The following NF1 variants were observed in gnomAD, a reference collection of about 807,000 sequenced individuals.
NF1 encodes neurofibromin.
In NF1, 122 loss-of-function variants were observed where a neutral mutation model predicts 325.7. The ratio of observed to expected loss-of-function variants is 0.37; its 90% CI spans 0.32 to 0.44. The LOEUF (loss-of-function observed/expected upper bound fraction) is 0.44, where lower values mean the gene tolerates loss of function less well. Among genes scored for constraint, NF1 ranks in the 20% least tolerant of loss-of-function variants. NF1 has a pLI of 1.00. For missense variants in NF1, 2,140 were observed against 3,415.4 expected, an observed-to-expected ratio of 0.63 and a Z score of 9.31; for synonymous variants, 1,091 against 1,186.0, an observed-to-expected ratio of 0.92 and a Z score of 1.65.
At chr17:31,359,066 C>G (rs2151586213) in intron 56 of NF1, 51 bp downstream of exon 56, 1 of 1,435,008 alleles carries the variant, frequency 7.0e-7, no homozygotes, top group Non-Finnish European at 9.8e-7. Context: ...GGTTTCTGTT[C>G]AAATTAGTAT....
chr17:31,226,001 A>C (rs973117525), intron 17 of NF1, among the ~76,000 whole-genome samples: 1 of 152,098 alleles, frequency 6.6e-6, no homozygotes, highest in Non-Finnish European at 1.5e-5. Context: ...CAGTGTACTT[A>C]TTTTATTACT....
At chr17:31,193,669 AAAAACAAAAC>A (rs71360765) in intron 8 of NF1, among the ~76,000 whole-genome samples, 6 of 151,896 alleles carry the variant, frequency 4.0e-5, no homozygotes, top group African/African-American at 7.2e-5. Flanking sequence ...CTCAACAGCA[AAAAACAAAAC>A]AAAACAAAAC....
chr17:31,229,923 C>G lies in NF1; in HGVS notation c.2939C>G (p.Ser980Cys), dbSNP rs2067084275. Residue 980 changes from serine (S) to cysteine (C), a missense_variant, in exon 22 of 58, where the codon TCT (serine) becomes TGT (cysteine). This residue lies in a region of NF1 where 380 missense variants were observed against 639.3 expected (regional missense o/e 0.59). Transcript: ENST00000358273. ...CTAGATAATCATACTGAAGGCAGCT[C>G]TGAACATCTAGGGCAAGCTAGCATT... The part of the protein sequence containing the change: ...NLLDNHTEGS[S>C]EHLGQASIET... The G allele has an allele frequency of 1.9e-6, 3 of 1,611,810 alleles. No individual in the cohort carries two copies. Among genetic ancestry groups the G allele is most frequent in the Non-Finnish European group, 2.5e-6 (3 of 1,179,730 alleles).
intron 36 of NF1, chr17:31,272,552 C>T (rs1443468289): frequency 6.6e-6 from 1 of 151,994 alleles, no homozygotes; most frequent in Non-Finnish European, 1.5e-5. Flanking sequence ...TCTTGGGACT[C>T]GAGGTCATTT....
chr17:31,351,591 A>G (rs2070146549), intron 50 of NF1, among the ~76,000 whole-genome samples: 1 of 151,962 alleles, frequency 6.6e-6, no homozygotes. Flanking sequence ...TAATTTTTGT[A>G]TTTTTGTAGA....
intron 16 of NF1, among the ~76,000 whole-genome samples, chr17:31,224,714 C>T (rs1235567336): frequency 1.3e-5 from 2 of 152,026 alleles, no homozygotes; most frequent in Non-Finnish European, 2.9e-5. Context: ...ATCTCAAGAG[C>T]CAATTTCTGG....
intron 1 of NF1, among the ~76,000 whole-genome samples, chr17:31,155,329 G>A (rs1337559351): frequency 2.6e-5 from 4 of 152,130 alleles, no homozygotes; most frequent in African/African-American, 7.2e-5. Flanking sequence ...TGTAAATGTG[G>A]TCTTCTCATA....
In NF1 at chr17:31,352,252, T is replaced by C. The variant is rs2151576873; in HGVS notation, c.7458-5T>C. 1 of 1,613,872 alleles carries C rather than the reference T, an allele frequency of 6.2e-7. No homozygotes were observed. Among genetic ancestry groups the C allele is most frequent in the African/African-American group, 1.3e-5 (1 of 75,038 alleles). ...TGATTTTTCTCTATTGTTTTCATCT[T>C]TCAGGACACTAAAGGAGACTCAGCC... On this transcript the variant is annotated splice_region_variant and splice_polypyrimidine_tract_variant and intron_variant, in intron 50 of 57. Transcript: ENST00000358273.
chr17:31,276,628 T>G (rs1041478225), intron 36 of NF1, among the ~76,000 whole-genome samples: 1 of 152,216 alleles, frequency 6.6e-6, no homozygotes, highest in Non-Finnish European at 1.5e-5. Flanking sequence ...GATATTAATG[T>G]TGCGCTGCAG....
chr17:31,322,094 T>TACACACAC (rs71142046), intron 36 of NF1, among the ~76,000 whole-genome samples: 1,900 of 147,388 alleles, frequency 0.013, 38 homozygotes, highest in African/African-American at 0.042. Flanking sequence ...AGTGTGTGTA[T>TACACACAC]ACACACACAC....
At chr17:31,357,396 C>G in intron 54 of NF1, 27 bp downstream of exon 54, 1 of 1,550,304 alleles carries the variant, frequency 6.5e-7, no homozygotes, top group Non-Finnish European at 8.9e-7. Flanking sequence ...GATTTTAATT[C>G]ACCTTCGTGC....
At chr17:31,278,689 A>G (rs2068062434) in intron 36 of NF1, among the ~76,000 whole-genome samples, 1 of 150,188 alleles carries the variant, frequency 6.7e-6, no homozygotes, top group Non-Finnish European at 1.5e-5. Flanking sequence ...ATCTCAGCTC[A>G]CTGCAACCTA....
intron 36 of NF1, chr17:31,319,115 A>G: frequency 5.3e-6 from 7 of 1,327,918 alleles, no homozygotes; most frequent in Non-Finnish European, 7.2e-6. Flanking sequence ...TTGAGATGTT[A>G]CAAGTAAACT....
chr17:31,360,826 T>G, intron 57 of NF1, 123 bp downstream of exon 57: 1 of 833,808 alleles, frequency 1.2e-6, no homozygotes, highest in Non-Finnish European at 2.0e-6. Flanking sequence ...ACCTTACATT[T>G]CTTCTTTACC....
At position 31,105,918 on chromosome 17, in the gene NF1, A is replaced by G. The variant is rs962002709; in HGVS notation, c.60+10549A>G. On this transcript the variant is annotated intron_variant, in intron 1 of 57. Coordinates refer to ENST00000358273, the MANE Select transcript of NF1 (RefSeq NM_001042492.3). The stretch of plus-strand genomic sequence containing the variant: ...ATCTAGCACAAGAGGCATGAAATTA[A>G]TTTAGTAAATAGCAGGACTACTAGA... 5.9e-5 allele frequency among the ~76,000 whole-genome samples: 9 copies of G among 152,354 alleles called. No individual in the cohort carries two copies. In the East Asian group the frequency reaches 7.7e-4, roughly 13 times the overall value.
At chr17:31,146,325 T>G (rs1470015349) in intron 1 of NF1, among the ~76,000 whole-genome samples, 2 of 152,266 alleles carry the variant, frequency 1.3e-5, no homozygotes, top group Non-Finnish European at 2.9e-5. Context: ...GCCAGGCCCC[T>G]GATCTGGACG....
chr17:31,098,069 G>C (rs557994640), intron 1 of NF1, among the ~76,000 whole-genome samples: 1 of 149,430 alleles, frequency 6.7e-6, no homozygotes, highest in South Asian at 2.1e-4. Context: ...AAAATGTAAG[G>C]GTTTTCAGTG....
At chr17:31,259,504 G>A (rs1211035335) in intron 33 of NF1, among the ~76,000 whole-genome samples, 3 of 152,052 alleles carry the variant, frequency 2.0e-5, no homozygotes, top group Non-Finnish European at 4.4e-5. Context: ...TTTGATGTTA[G>A]AGTATTTGTG....
intron 36 of NF1, chr17:31,319,099 A>G (rs904830389): frequency 9.7e-6 from 14 of 1,447,230 alleles, no homozygotes; most frequent in Admixed American, 6.7e-5. Flanking sequence ...TAGTTAAAAG[A>G]TAGTGTTGAG....
Sources: gnomAD v4.1 joint callset for allele counts (sites outside exome capture counted in the v4.1 genomes callset) on GRCh38, gnomAD v4.1.1 for gene constraint, gnomAD v4.1.1 regional missense constraint, MANE v1.5 for transcripts, NCBI Gene and HGNC (gene_info 2026-07-23, HGNC 2026-07-21) for gene names.